RBFOX1: variants seen among roughly 807,000 people sequenced by gnomAD.
RBFOX1 encodes RNA binding fox-1 homolog 1.
RBFOX1 carries 8 observed loss-of-function variants against 57.7 expected under a neutral mutation model. The ratio of observed to expected loss-of-function variants is 0.14; its 90% confidence interval spans 0.08 to 0.25. The LOEUF is 0.25. Among genes scored for constraint, RBFOX1 ranks in the 10% least tolerant of loss-of-function variants. The probability of loss-of-function intolerance (pLI) is 1.00; values close to 1 mark genes in which losing one functional copy is unlikely to be tolerated. For synonymous variants in RBFOX1, 326 were observed against 222.4 expected (o/e 1.47, Z -4.15); for missense variants, 611 against 548.5 (o/e 1.11, Z -1.14).
chr16:6,802,298 C>T (rs2085662108), intron 3 of RBFOX1, among the ~76,000 whole-genome samples: 1 of 152,128 alleles, frequency 6.6e-6, no homozygotes, highest in East Asian at 1.9e-4. Flanking sequence ...ACCTGATTTG[C>T]CACACAGGGT....
chr16:7,518,368 G>C lies in RBFOX1; in HGVS notation c.249G>C (p.Gln83His). 6.2e-7 allele frequency: 1 copy of C among 1,611,082 alleles called. No individual in the cohort carries two copies. Among genetic ancestry groups the C allele is most frequent in the Non-Finnish European group, 8.5e-7 (1 of 1,177,912 alleles). Reference protein sequence around the residue: ...SEQSPADTSAQTVSGTATQTD... With the variant: ...SEQSPADTSAHTVSGTATQTD... ...AGAGCCCGGCGGACACGAGCGCTCA[G>C]ACCGTCTCTGGCACCGCCACAGTAA... The change falls in exon 5 of 16, where the codon CAG becomes CAC. Residue 83 changes from glutamine (Q) to histidine (H), a missense_variant. Gln to His is a conservative substitution (Grantham distance 24). This residue lies in a region of RBFOX1 where 245 missense variants were observed against 159.1 expected (regional missense o/e 1.54). Coordinates refer to ENST00000550418, the MANE Select transcript of RBFOX1 (RefSeq NM_018723.4).
At chr16:6,060,562 T>C (rs1215584371) in intron 1 of RBFOX1, among the ~76,000 whole-genome samples, 1 of 152,218 alleles carries the variant, frequency 6.6e-6, no homozygotes, top group East Asian at 1.9e-4. Context: ...TTCCATATAC[T>C]TTGATGCTTG....
intron 4 of RBFOX1, among the ~76,000 whole-genome samples, chr16:7,234,662 A>T (rs949121278): frequency 7.6e-5 from 10 of 131,896 alleles, no homozygotes; most frequent in African/African-American, 3.0e-4. Flanking sequence ...GTGTATGTAT[A>T]TATGTATACA....
intron 3 of RBFOX1, among the ~76,000 whole-genome samples, chr16:6,921,526 C>A (rs570845851): frequency 1.3e-5 from 2 of 152,084 alleles, no homozygotes; most frequent in South Asian, 4.2e-4. Flanking sequence ...ACCCATAGTT[C>A]CTTCCTACAT....
intron 4 of RBFOX1, among the ~76,000 whole-genome samples, chr16:7,485,789 C>T (rs918319526): frequency 2.0e-5 from 3 of 152,222 alleles, no homozygotes; most frequent in Non-Finnish European, 4.4e-5. Context: ...CCTTGACTAT[C>T]TTCTGTGGCT....
intron 3 of RBFOX1, among the ~76,000 whole-genome samples, chr16:5,819,349 C>G (rs2055762915): frequency 6.6e-6 from 1 of 152,200 alleles, no homozygotes; most frequent in African/African-American, 2.4e-5. Flanking sequence ...CAAGGGGCCT[C>G]ACCTCTTTTA....
At chr16:6,722,854 G>T (rs759016929) in intron 3 of RBFOX1, among the ~76,000 whole-genome samples, 1 of 152,174 alleles carries the variant, frequency 6.6e-6, no homozygotes, top group Non-Finnish European at 1.5e-5. Flanking sequence ...AAATCCAAAT[G>T]TAGCTTTGGC....
intron 5 of RBFOX1, 134 bp downstream of exon 5, chr16:7,518,523 T>G: frequency 4.2e-6 from 5 of 1,182,806 alleles, no homozygotes; most frequent in Non-Finnish European, 5.6e-6. Flanking sequence ...ACCCTCATCA[T>G]ACCAGCTTCC....
chr16:6,948,358 C>A (rs1290016911), intron 3 of RBFOX1, among the ~76,000 whole-genome samples: 1 of 136,764 alleles, frequency 7.3e-6, no homozygotes, highest in Non-Finnish European at 1.6e-5. Flanking sequence ...GCTACATGTC[C>A]TTTTCTTTCT....
At chr16:7,410,600 C>G (rs1017398162) in intron 4 of RBFOX1, among the ~76,000 whole-genome samples, 1 of 152,180 alleles carries the variant, frequency 6.6e-6, no homozygotes, top group Non-Finnish European at 1.5e-5. Context: ...TCACTTGAAC[C>G]CAGAAGGCAG....
chr16:7,342,698 A>C (rs1434839494), intron 4 of RBFOX1, among the ~76,000 whole-genome samples: 2 of 151,996 alleles, frequency 1.3e-5, no homozygotes, highest in Non-Finnish European at 2.9e-5. Flanking sequence ...GGCGAAGGAG[A>C]GGGAGAGATG....
intron 2 of RBFOX1, among the ~76,000 whole-genome samples, chr16:6,636,934 TATAC>T (rs959948664): frequency 1.5e-4 from 17 of 111,108 alleles, no homozygotes; most frequent in Non-Finnish European, 2.8e-4. Context: ...TATGTATAAA[TATAC>T]ATAAAATATA....
At chr16:6,886,052 A>G (rs1456871643) in intron 3 of RBFOX1, among the ~76,000 whole-genome samples, 1 of 148,806 alleles carries the variant, frequency 6.7e-6, no homozygotes, top group Non-Finnish European at 1.5e-5. Context: ...GTCCAGTGAA[A>G]GTATTTTTTT....
chr16:7,308,806 C>G (rs1052224151), intron 4 of RBFOX1, among the ~76,000 whole-genome samples: 24 of 152,208 alleles, frequency 1.6e-4, no homozygotes, highest in Admixed American at 1.0e-3. Context: ...CCCCATGCAC[C>G]AGCCACGGTT....
chr16:5,619,544 G>C (rs749626211), intron 3 of RBFOX1, among the ~76,000 whole-genome samples: 1 of 152,146 alleles, frequency 6.6e-6, no homozygotes, highest in South Asian at 2.1e-4. Flanking sequence ...AGAGAAATTG[G>C]ATTGAAAATC....
At chr16:7,101,288 G>T (rs569268629) in intron 4 of RBFOX1, among the ~76,000 whole-genome samples, 2 of 152,132 alleles carry the variant, frequency 1.3e-5, no homozygotes. Flanking sequence ...CCGCTAGCTT[G>T]GATGAATACA....
chr16:7,591,543 G>C (rs1015710870), intron 7 of RBFOX1, among the ~76,000 whole-genome samples: 1 of 152,178 alleles, frequency 6.6e-6, no homozygotes, highest in East Asian at 1.9e-4. Context: ...AGCAAGTCAC[G>C]TTGGTCTGGC....
intron 3 of RBFOX1, among the ~76,000 whole-genome samples, chr16:5,626,445 A>C (rs914899240): frequency 6.6e-6 from 1 of 152,020 alleles, no homozygotes; most frequent in African/African-American, 2.4e-5. Context: ...TCACTTAATT[A>C]CCTGTCTTTC....
At chr16:6,664,751 T>C (rs2154102424) in intron 3 of RBFOX1, among the ~76,000 whole-genome samples, 1 of 152,238 alleles carries the variant, frequency 6.6e-6, no homozygotes, top group South Asian at 2.1e-4. Context: ...TGGAGATGGG[T>C]TGCTGCCAAG....
Sources: gnomAD v4.1 joint callset for allele counts (sites outside exome capture counted in the v4.1 genomes callset) on GRCh38, gnomAD v4.1.1 for gene constraint, gnomAD v4.1.1 regional missense constraint, MANE v1.5 for transcripts, NCBI Gene and HGNC (gene_info 2026-07-23, HGNC 2026-07-21) for gene names.